SVEP1: variants seen among roughly 807,000 people sequenced by gnomAD.
SVEP1 encodes the protein sushi, von Willebrand factor type A, EGF and pentraxin domain-containing protein 1.
SVEP1 carries 164 observed loss-of-function variants against 367.3 expected under a neutral mutation model. The observed-to-expected ratio is 0.45, with a 90% confidence interval of 0.39 to 0.51. The LOEUF is 0.51. SVEP1 is among the 20% of genes least tolerant of loss of function. SVEP1 has a pLI of 0.00. For synonymous variants in SVEP1, 1,666 were observed against 1,611.6 expected, an observed-to-expected ratio of 1.03 and a Z score of -0.81; for missense variants, 4,117 against 4,425.3, an observed-to-expected ratio of 0.93 and a Z score of 1.98.
chr9:110,450,503 T>C (rs1293932213), intron 23 of SVEP1, among the ~76,000 whole-genome samples: 2 of 145,286 alleles, frequency 1.4e-5, no homozygotes, highest in African/African-American at 5.1e-5. Context: ...AGAGTCTTGC[T>C]CTCTCTCCCA....
intron 3 of SVEP1, among the ~76,000 whole-genome samples, chr9:110,529,258 C>T (rs1475290927): frequency 1.5e-5 from 2 of 129,626 alleles, no homozygotes; most frequent in Admixed American, 9.0e-5. Context: ...CAGTACCATG[C>T]TGTTTTGGTT....
chr9:110,434,483 C>G lies in SVEP1; in HGVS notation c.4912G>C (p.Val1638Leu), dbSNP rs372374743. Residue 1638 changes from valine (V) to leucine (L), a missense_variant, in exon 30 of 48, where the codon GTG becomes CTG. By Grantham distance (32) the Val-to-Leu change is conservative. Transcript: ENST00000374469. Reference sequence around the variant, plus strand: ...TCAGATGCAGTTCTCAGATGAGGCACTGACCCTCCTAAGCGTGGGCAATCT... The same window carrying G: ...TCAGATGCAGTTCTCAGATGAGGCAGTGACCCTCCTAAGCGTGGGCAATCT... ...CSDCPRLGGS[V>L]PHLRTASEDL... is the part of the protein sequence containing the mutation. 53 of 1,613,136 alleles carry G rather than the reference C, an allele frequency of 3.3e-5. No homozygotes were observed. Among genetic ancestry groups the G allele is most frequent in the Non-Finnish European group, 4.2e-5 (50 of 1,179,664 alleles).
chr9:110,405,272 A>G (rs954683358), intron 38 of SVEP1, among the ~76,000 whole-genome samples: 8 of 151,118 alleles, frequency 5.3e-5, no homozygotes, highest in East Asian at 2.0e-4. Flanking sequence ...GAATACCTAC[A>G]TGGACTCAGA....
chr9:110,481,642 G>A (rs373584788), intron 11 of SVEP1, among the ~76,000 whole-genome samples: 3 of 152,174 alleles, frequency 2.0e-5, no homozygotes, highest in South Asian at 4.2e-4. Flanking sequence ...CTGTACCTAC[G>A]TGTAATTAGA....
chr9:110,446,952 A>C lies in SVEP1; in HGVS notation c.4209T>G (p.Asn1403Lys). The C allele has an allele frequency of 6.5e-7, 1 of 1,546,826 alleles. No individual in the cohort carries two copies. Among genetic ancestry groups the C allele is most frequent in the Non-Finnish European group, 8.7e-7 (1 of 1,145,196 alleles). The change falls in exon 25 of 48, where the codon AAT becomes AAG. Residue 1403 changes from asparagine (N) to lysine (K), a missense_variant. Coordinates refer to ENST00000374469, the MANE Select transcript of SVEP1 (RefSeq NM_153366.4). ...CTGGCTGACATTTACAACTGTATGA[A>C]TTTAATTCATCCACACAGGTGGCCT... ...RNQATCVDEL[N>K]SYSCKCQPGF...
chr9:110,416,455 A>G (rs917063968), intron 36 of SVEP1, among the ~76,000 whole-genome samples: 3 of 152,034 alleles, frequency 2.0e-5, no homozygotes, highest in Non-Finnish European at 4.4e-5. Flanking sequence ...TGAGGAAATT[A>G]TCCAAATGTA....
At chr9:110,432,404 G>T in intron 31 of SVEP1, 58 bp downstream of exon 31, 3 of 1,531,794 alleles carry the variant, frequency 2.0e-6, no homozygotes, top group South Asian at 2.6e-5. Flanking sequence ...AATTTGGGAT[G>T]ACTGTCATCT....
At chr9:110,427,515 T>C in intron 36 of SVEP1, 76 bp downstream of exon 36, 1 of 1,504,860 alleles carries the variant, frequency 6.6e-7, no homozygotes, top group Non-Finnish European at 8.9e-7. Flanking sequence ...TCGTGTCCAA[T>C]GGAGCCCATC....
chr9:110,430,387 G>A lies in SVEP1; in HGVS notation c.5417C>T (p.Thr1806Ile), dbSNP rs1828333307. 3.7e-6 allele frequency: 6 copies of A among 1,613,260 alleles called. No individual in the cohort carries two copies. The highest frequency in any genetic ancestry group is 5.1e-6 in the Non-Finnish European group (6 of 1,179,618). ...ENGHSSGEIYTVGAEVTFSCQ... is the reference protein window; with the variant it reads ...ENGHSSGEIYIVGAEVTFSCQ... ...CGAAAATGTGACTTCGGCACCTACT[G>A]TATAAATCTCACCTGAGGAGTGGCC... Residue 1806 changes from threonine to isoleucine, a missense_variant, in exon 33 of 48, where the codon ACA (threonine) becomes ATA (isoleucine). This residue lies in a region of SVEP1 where 2,174 missense variants were observed against 2,494.3 expected (regional missense o/e 0.87). Transcript: ENST00000374469.
rs574942966 is a variant in SVEP1 at position 110,437,649 on chromosome 9, T to C, written c.4640-1145A>G. Among the ~76,000 whole-genome samples, 134 of 152,116 alleles carry C rather than the reference T, an allele frequency of 8.8e-4. 1 individual carries two copies. The highest frequency in any genetic ancestry group is 3.9e-3 in the East Asian group (20 of 5,170). On this transcript the variant is annotated intron_variant, in intron 27 of 47. Coordinates refer to ENST00000374469, the MANE Select transcript of SVEP1 (RefSeq NM_153366.4). The stretch of plus-strand genomic sequence containing the variant: ...CTTCCTTTAACTACTCTTTTTTTTT[T>C]ATTTCAATAGTTTTTGGGGAATGGG...
chr9:110,423,155 T>TAAAAAAAAAAAAAAAAAAA (rs1181321402), intron 36 of SVEP1, among the ~76,000 whole-genome samples: 1 of 56,520 alleles, frequency 1.8e-5, no homozygotes, highest in Non-Finnish European at 3.8e-5. Context: ...AATAAAAAAA[T>TAAAAAAAAAAAAAAAAAAA]AAAAAAATAA....
chr9:110,481,567 T>C (rs1388556814), intron 11 of SVEP1, 131 bp from the exon 12 acceptor site: 2 of 576,734 alleles, frequency 3.5e-6, no homozygotes, highest in Admixed American at 3.8e-5. Flanking sequence ...TTTTACCATA[T>C]GTCTTTAGTG....
intron 40 of SVEP1, among the ~76,000 whole-genome samples, chr9:110,390,312 T>G (rs1325503373): frequency 2.7e-4 from 3 of 10,988 alleles, no homozygotes; most frequent in Non-Finnish European, 5.6e-4. Context: ...TATATAAGTA[T>G]GTGTATATAT....
At chr9:110,484,647 T>A (rs1829248825) in intron 9 of SVEP1, among the ~76,000 whole-genome samples, 1 of 151,578 alleles carries the variant, frequency 6.6e-6, no homozygotes, top group African/African-American at 2.4e-5. Flanking sequence ...ATTATCAGAG[T>A]GAACAGACAA....
chr9:110,428,818 T>G (rs1167071572), intron 35 of SVEP1, among the ~76,000 whole-genome samples: 3 of 152,104 alleles, frequency 2.0e-5, no homozygotes, highest in African/African-American at 7.2e-5. Flanking sequence ...CACCTGTAAT[T>G]CCAGCACTTT....
intron 1 of SVEP1, among the ~76,000 whole-genome samples, chr9:110,573,456 C>T (rs370393067): frequency 1.3e-4 from 20 of 152,296 alleles, no homozygotes; most frequent in Non-Finnish European, 2.6e-4. Context: ...AGCACTTCTG[C>T]CCACACATTC....
rs1037996505 is a variant in SVEP1 at position 110,365,365 on chromosome 9, C to G, written c.*1174G>C. On this transcript the variant is annotated 3_prime_UTR_variant, in exon 48 of 48. Coordinates refer to ENST00000374469, the MANE Select transcript of SVEP1 (RefSeq NM_153366.4). ...GGAGGAGTCAATGGCTGAGGGATGC[C>G]TACGGTAGTGAAGAGAACCACTAGG... is the stretch of plus-strand genomic sequence containing the variant. The G allele has an allele frequency of 6.6e-6, 1 of 152,152 alleles. No individual in the cohort carries two copies. The allele number at this position is 152,152 out of a possible 1,614,324, so 9.4% of individuals were successfully genotyped here.
chr9:110,557,213 C>T (rs1830366482), intron 1 of SVEP1, among the ~76,000 whole-genome samples: 1 of 152,114 alleles, frequency 6.6e-6, no homozygotes, highest in Admixed American at 6.5e-5. Flanking sequence ...TTATCTCATC[C>T]TACTTCCAAG....
chr9:110,411,522 G>A lies in SVEP1; in HGVS notation c.6189C>T (p.Ala2063=), dbSNP rs764875576. The change falls in exon 37 of 48, where the codon GCC becomes GCT. Residue 2063 remains alanine (A), a synonymous_variant. Transcript: ENST00000374469. ...CTTCTGGGGGTACCCACTTGCCCTG[G>A]GCATTGCAGAGAAGCTGGGAATTGT... is the stretch of plus-strand genomic sequence containing the variant. The part of the protein sequence containing the change: ...LADNSQLLCN[A]QGKWVPPEGQ... 2 of 1,613,990 alleles carry A rather than the reference G, an allele frequency of 1.2e-6. No individual in the cohort carries two copies. Among genetic ancestry groups the A allele is most frequent in the South Asian group, 1.1e-5 (1 of 91,080 alleles).
Sources: allele counts gnomAD v4.1 joint callset (sites outside exome capture counted in the v4.1 genomes callset), GRCh38; gene constraint gnomAD v4.1.1; regional missense constraint gnomAD v4.1.1; transcripts MANE v1.5; gene names NCBI Gene and HGNC (gene_info 2026-07-23, HGNC 2026-07-21).